GALNT14: variants seen among roughly 807,000 people sequenced by gnomAD.
GALNT14 encodes the protein polypeptide N-acetylgalactosaminyltransferase 14.
In GALNT14, 60 loss-of-function variants were observed where a neutral mutation model predicts 77.5. That is an observed-to-expected ratio of 0.77 (90% CI 0.63 to 0.96). The LOEUF (loss-of-function observed/expected upper bound fraction) is 0.96. Among genes scored for constraint, GALNT14 ranks in the 40% least tolerant of loss-of-function variants. The pLI is 0.00. For synonymous variants in GALNT14, 280 were observed against 281.7 expected (o/e 0.99, Z 0.06); for missense variants, 710 against 731.0 (o/e 0.97, Z 0.33).
intron 1 of GALNT14, among the ~76,000 whole-genome samples, chr2:31,002,092 A>ACT (rs1471166198): frequency 6.6e-6 from 1 of 152,138 alleles, no homozygotes; most frequent in Non-Finnish European, 1.5e-5. Flanking sequence ...AGATGAAAAA[A>ACT]CTGAGGCTCA....
intron 1 of GALNT14, among the ~76,000 whole-genome samples, chr2:31,056,945 C>T (rs1674246681): frequency 1.3e-5 from 2 of 152,156 alleles, no homozygotes; most frequent in Non-Finnish European, 2.9e-5. Context: ...GAATACTACA[C>T]AGCCATAAAA....
At chr2:31,111,288 G>A (rs138424703) in intron 1 of GALNT14, among the ~76,000 whole-genome samples, 60 of 152,300 alleles carry the variant, frequency 3.9e-4, no homozygotes, top group Non-Finnish European at 5.7e-4. Context: ...GGGACCTTCC[G>A]GGGTGGCTAG....
intron 1 of GALNT14, among the ~76,000 whole-genome samples, chr2:31,000,213 C>T (rs1670280045): frequency 1.3e-5 from 2 of 152,136 alleles, no homozygotes; most frequent in Admixed American, 1.3e-4. Context: ...GTTCTGGTCC[C>T]TTAGTTTAGA....
chr2:31,103,379 T>C (rs1677383990), intron 1 of GALNT14, among the ~76,000 whole-genome samples: 1 of 152,050 alleles, frequency 6.6e-6, no homozygotes, highest in African/African-American at 2.4e-5. Context: ...CACAGAAGCA[T>C]AGAAAAGGCA....
intron 1 of GALNT14, among the ~76,000 whole-genome samples, chr2:31,014,666 A>G (rs1158921062): frequency 1.3e-5 from 2 of 152,186 alleles, no homozygotes; most frequent in Non-Finnish European, 2.9e-5. Context: ...GACCCAATCT[A>G]TCTGCCACCC....
chr2:31,050,295 T>C (rs1290822268), intron 1 of GALNT14, among the ~76,000 whole-genome samples: 1 of 152,212 alleles, frequency 6.6e-6, no homozygotes, highest in East Asian at 1.9e-4. Flanking sequence ...CCATTAGTTG[T>C]TGTAAAATAT....
At chr2:31,063,507 T>C (rs1167151317) in intron 1 of GALNT14, among the ~76,000 whole-genome samples, 1 of 152,212 alleles carries the variant, frequency 6.6e-6, no homozygotes. Context: ...GCCTCCAGCT[T>C]TGTACTTTTT....
chr2:30,920,993 A>G (rs914975716), intron 13 of GALNT14, among the ~76,000 whole-genome samples: 2 of 152,208 alleles, frequency 1.3e-5, no homozygotes, highest in Admixed American at 6.5e-5. Flanking sequence ...ACCATCTTCC[A>G]GAGAAGATGC....
At chr2:31,004,194 G>A (rs1459028035) in intron 1 of GALNT14, among the ~76,000 whole-genome samples, 1 of 152,214 alleles carries the variant, frequency 6.6e-6, no homozygotes, top group Non-Finnish European at 1.5e-5. Context: ...CAGGAGAAGA[G>A]TCTGTGTCCT....
intron 2 of GALNT14, among the ~76,000 whole-genome samples, chr2:30,973,403 A>G (rs943946722): frequency 9.8e-5 from 15 of 152,334 alleles, no homozygotes; most frequent in African/African-American, 3.6e-4. Flanking sequence ...CTCTTGGCCA[A>G]TGACCTTTCC....
intron 2 of GALNT14, among the ~76,000 whole-genome samples, chr2:30,972,611 A>G (rs892977134): frequency 2.4e-4 from 36 of 152,228 alleles, no homozygotes; most frequent in African/African-American, 8.2e-4. Context: ...GGGAATTTGA[A>G]CCAGGCCTGC....
chr2:30,960,151 G>C (rs1667597252), intron 3 of GALNT14, among the ~76,000 whole-genome samples: 1 of 152,150 alleles, frequency 6.6e-6, no homozygotes, highest in Admixed American at 6.5e-5. Context: ...GGGAGCTCAT[G>C]GTCAGGGAGG....
chr2:30,961,352 G>A (rs1046850077), intron 3 of GALNT14, among the ~76,000 whole-genome samples: 2 of 152,180 alleles, frequency 1.3e-5, no homozygotes, highest in African/African-American at 4.8e-5. Flanking sequence ...AAGGCCGGCT[G>A]ACAGTTGAGT....
intron 1 of GALNT14, among the ~76,000 whole-genome samples, chr2:31,039,516 T>A (rs1672967819): frequency 1.3e-5 from 2 of 152,204 alleles, no homozygotes; most frequent in Non-Finnish European, 2.9e-5. Flanking sequence ...ATTCGTCTAT[T>A]TCCCACAATC....
At chr2:31,001,207 C>CCACG in intron 1 of GALNT14, among the ~76,000 whole-genome samples, 1 of 152,150 alleles carries the variant, frequency 6.6e-6, no homozygotes, top group Admixed American at 6.6e-5. Flanking sequence ...TTATCTAGCA[C>CCACG]CACGGCAAAC....
intron 1 of GALNT14, among the ~76,000 whole-genome samples, chr2:31,051,027 C>T (rs1395324932): frequency 1.3e-5 from 2 of 152,048 alleles, no homozygotes; most frequent in Admixed American, 1.3e-4. Context: ...CTCGGAGAAA[C>T]CACCTTCAGG....
intron 4 of GALNT14, among the ~76,000 whole-genome samples, chr2:30,957,347 C>A (rs951152895): frequency 6.6e-6 from 1 of 152,134 alleles, no homozygotes; most frequent in Non-Finnish European, 1.5e-5. Context: ...ATTTACAGGT[C>A]TAGGATTTGA....
At chr2:30,923,035 G>A (rs1291714454) in intron 13 of GALNT14, among the ~76,000 whole-genome samples, 1 of 150,650 alleles carries the variant, frequency 6.6e-6, no homozygotes, top group African/African-American at 2.4e-5. Flanking sequence ...GAGTTAGCAA[G>A]GAAGCCATAG....
chr2:31,111,287 C>T (rs953311589), intron 1 of GALNT14, among the ~76,000 whole-genome samples: 12 of 152,314 alleles, frequency 7.9e-5, no homozygotes, highest in East Asian at 1.9e-4. Flanking sequence ...AGGGACCTTC[C>T]GGGGTGGCTA....
Sources: gnomAD v4.1 joint callset for allele counts (sites outside exome capture counted in the v4.1 genomes callset) on GRCh38, gnomAD v4.1.1 for gene constraint, MANE v1.5 for transcripts, NCBI Gene and HGNC (gene_info 2026-07-23, HGNC 2026-07-21) for gene names.